The following PTPRR variants were observed in gnomAD, a reference collection of about 807,000 sequenced individuals.
The protein encoded by PTPRR is protein tyrosine phosphatase receptor type R, also known as receptor-type tyrosine-protein phosphatase R.
A neutral mutation model predicts 77.2 loss-of-function variants in PTPRR; 38 were observed. The observed-to-expected ratio is 0.49, with a 90% CI of 0.38 to 0.65. The LOEUF (loss-of-function observed/expected upper bound fraction) is 0.65, where lower values mean the gene tolerates loss of function less well. Ranked by LOEUF, PTPRR falls within the 30% of genes least tolerant of loss-of-function variation. The pLI is 0.00. For synonymous variants in PTPRR, 299 were observed against 283.1 expected (o/e 1.06, Z -0.57); for missense variants, 744 against 799.2 (o/e 0.93, Z 0.83).
chr12:70,811,577 C>T (rs1401516197), intron 2 of PTPRR, among the ~76,000 whole-genome samples: 1 of 152,222 alleles, frequency 6.6e-6, no homozygotes, highest in African/African-American at 2.4e-5. Flanking sequence ...TCAGGCAACG[C>T]TGGTCTCCAG....
At chr12:70,764,074 G>A (rs1890756250) in intron 3 of PTPRR, among the ~76,000 whole-genome samples, 1 of 147,274 alleles carries the variant, frequency 6.8e-6, no homozygotes, top group Non-Finnish European at 1.5e-5. Context: ...TGGTTTTCCT[G>A]GACTACCAAT....
Position 70,861,957 on chromosome 12 carries a change from A to G in PTPRR, c.357+30722T>C, listed in dbSNP as rs1461484563. On this transcript the variant is annotated intron_variant, in intron 2 of 13. Transcript: ENST00000283228. Reference sequence around the variant, plus strand: ...AGATGGTCATGCTCTTTTAAGGAAGAATTTTAAACAGAGTGACATCTGGTC... The same window carrying G: ...AGATGGTCATGCTCTTTTAAGGAAGGATTTTAAACAGAGTGACATCTGGTC... 1.3e-5 allele frequency among the ~76,000 whole-genome samples: 2 copies of G among 152,156 alleles called. 1 individual carries two copies. The highest frequency in any genetic ancestry group is 4.8e-5 in the African/African-American group (2 of 41,438).
At chr12:70,656,625 T>C in intron 13 of PTPRR, 79 bp downstream of exon 13, 2 of 982,548 alleles carry the variant, frequency 2.0e-6, no homozygotes, top group Non-Finnish European at 1.6e-6. Flanking sequence ...GCCTGAGATG[T>C]TTATGCATGA....
intron 2 of PTPRR, among the ~76,000 whole-genome samples, chr12:70,842,056 C>T (rs1043687981): frequency 5.9e-5 from 9 of 152,054 alleles, no homozygotes; most frequent in African/African-American, 2.2e-4. Flanking sequence ...TAATTTACAG[C>T]CATATTTCCT....
At chr12:70,813,173 C>T (rs1398734963) in intron 2 of PTPRR, among the ~76,000 whole-genome samples, 2 of 152,190 alleles carry the variant, frequency 1.3e-5, no homozygotes, top group Non-Finnish European at 2.9e-5. Flanking sequence ...ATACATTCAT[C>T]ATCTTGTACA....
chr12:70,685,920 G>A (rs1887851117), intron 8 of PTPRR, among the ~76,000 whole-genome samples: 1 of 152,216 alleles, frequency 6.6e-6, no homozygotes, highest in Non-Finnish European at 1.5e-5. Flanking sequence ...CAGCCAAGAA[G>A]TAGGTAATGG....
chr12:70,792,675 C>A (rs4760810), intron 2 of PTPRR, among the ~76,000 whole-genome samples: 127,884 of 152,114 alleles, frequency 0.84, 54,257 homozygotes, highest in East Asian at 0.94. Context: ...AATTTTGTAC[C>A]CATGCTGACT....
chr12:70,724,434 G>A (rs1354115336), intron 6 of PTPRR, among the ~76,000 whole-genome samples: 5 of 152,156 alleles, frequency 3.3e-5, no homozygotes, highest in Non-Finnish European at 5.9e-5. Flanking sequence ...AGGCTTAATT[G>A]AGATAATATG....
chr12:70,696,504 G>A (rs1888238648), intron 8 of PTPRR, among the ~76,000 whole-genome samples: 1 of 152,098 alleles, frequency 6.6e-6, no homozygotes, highest in Non-Finnish European at 1.5e-5. Flanking sequence ...AGTTTTCTGT[G>A]CTCAACAGCA....
intron 2 of PTPRR, among the ~76,000 whole-genome samples, chr12:70,883,202 A>G (rs1269225054): frequency 6.6e-6 from 1 of 152,180 alleles, no homozygotes; most frequent in Admixed American, 6.5e-5. Context: ...TGAAGGTTGC[A>G]GTGAGCTGAG....
At chr12:70,895,010 T>C (rs917801336) in intron 1 of PTPRR, among the ~76,000 whole-genome samples, 1 of 151,712 alleles carries the variant, frequency 6.6e-6, no homozygotes, top group African/African-American at 2.4e-5. Context: ...CAGAAGATGA[T>C]TCTCATACTA....
intron 2 of PTPRR, among the ~76,000 whole-genome samples, chr12:70,883,343 A>T (rs3890770): frequency 6.6e-6 from 1 of 152,190 alleles, no homozygotes; most frequent in South Asian, 2.1e-4. Context: ...GATTTGAGCC[A>T]CTGTATTATG....
chr12:70,723,185 G>A (rs190729536), intron 6 of PTPRR, among the ~76,000 whole-genome samples: 2 of 152,258 alleles, frequency 1.3e-5, no homozygotes, highest in African/African-American at 4.8e-5. Flanking sequence ...AAATTGATTG[G>A]CACTGGTTTC....
chr12:70,722,807 T>C lies in PTPRR; in HGVS notation c.1008-21484A>G, dbSNP rs186289432. ...CACAGTTCATATCTGGAATTTACAA[T>C]AGAGTGAGGTAAGCCACCCGCCGTC... On this transcript the variant is annotated intron_variant, in intron 6 of 13. Coordinates refer to ENST00000283228, the MANE Select transcript of PTPRR (RefSeq NM_002849.4). Among the ~76,000 whole-genome samples the C allele has an allele frequency of 6.2e-4, 94 of 152,186 alleles. 2 individuals carry two copies. The East Asian group carries it at 0.012, about 20-fold the overall frequency.
intron 2 of PTPRR, among the ~76,000 whole-genome samples, chr12:70,852,810 C>T: frequency 6.6e-6 from 1 of 152,080 alleles, no homozygotes; most frequent in East Asian, 1.9e-4. Flanking sequence ...TACATTTTCT[C>T]CCCCCTTCTA....
chr12:70,741,275 C>A (rs1890037918), intron 6 of PTPRR, among the ~76,000 whole-genome samples: 1 of 152,164 alleles, frequency 6.6e-6, no homozygotes, highest in Non-Finnish European at 1.5e-5. Context: ...TTGGCTACAA[C>A]AGATTAGTAA....
chr12:70,695,326 A>G (rs1888194382), intron 8 of PTPRR, among the ~76,000 whole-genome samples: 1 of 152,246 alleles, frequency 6.6e-6, no homozygotes, highest in Non-Finnish European at 1.5e-5. Context: ...GTCTAAAACC[A>G]TAAAGAACAT....
At chr12:70,748,243 C>G (rs1393809670) in intron 5 of PTPRR, among the ~76,000 whole-genome samples, 1 of 152,110 alleles carries the variant, frequency 6.6e-6, no homozygotes, top group Non-Finnish European at 1.5e-5. Flanking sequence ...GAAAGAAAAC[C>G]TAGAATCCAA....
chr12:70,890,503 A>G (rs1408017687), intron 2 of PTPRR, among the ~76,000 whole-genome samples: 1 of 152,100 alleles, frequency 6.6e-6, no homozygotes, highest in Non-Finnish European at 1.5e-5. Flanking sequence ...AAGAAAGAAA[A>G]AAGTATTGGA....
Sources: allele counts gnomAD v4.1 joint callset (sites outside exome capture counted in the v4.1 genomes callset), GRCh38; gene constraint gnomAD v4.1.1; transcripts MANE v1.5; gene names NCBI Gene and HGNC (gene_info 2026-07-23, HGNC 2026-07-21).